Variants in PCDH15 observed in about 807,000 individuals in gnomAD.
The protein encoded by PCDH15 is protocadherin-15.
PCDH15 carries 129 observed loss-of-function variants against 178.5 expected under a neutral mutation model. The ratio of observed to expected loss-of-function variants is 0.72; its 90% CI spans 0.63 to 0.84. PCDH15 has a LOEUF of 0.84. PCDH15 is among the 40% of genes least tolerant of loss of function. The pLI is 0.00. For missense variants in PCDH15, 2,230 were observed against 2,099.9 expected (o/e 1.06, Z -1.21); for synonymous variants, 800 against 732.0 (o/e 1.09, Z -1.50).
chr10:53,888,297 T>TATATATATAC (rs1564690491), intron 26 of PCDH15, among the ~76,000 whole-genome samples: 2 of 73,612 alleles, frequency 2.7e-5, no homozygotes, highest in Non-Finnish European at 5.0e-5. Context: ...TATACATATA[T>TATATATATAC]ATATATATAT....
chr10:55,340,145 T>C (rs1291791284), intron 2 of PCDH15, among the ~76,000 whole-genome samples: 1 of 151,138 alleles, frequency 6.6e-6, no homozygotes, highest in Non-Finnish European at 1.5e-5. Flanking sequence ...CACCCATGTA[T>C]AGACACACAT....
chr10:55,265,101 G>A (rs1192377244), intron 1 of PCDH15, among the ~76,000 whole-genome samples: 1 of 151,910 alleles, frequency 6.6e-6, no homozygotes, highest in Non-Finnish European at 1.5e-5. Flanking sequence ...CTTCTCACTT[G>A]CCCCCTCCTA....
intron 2 of PCDH15, among the ~76,000 whole-genome samples, chr10:55,066,018 A>G (rs1419966626): frequency 6.6e-6 from 1 of 151,950 alleles, no homozygotes; most frequent in Non-Finnish European, 1.5e-5. Flanking sequence ...TATTTTCCAT[A>G]ATTTATTAAT....
At chr10:55,422,810 A>C (rs1167495324) in intron 2 of PCDH15, among the ~76,000 whole-genome samples, 1 of 151,922 alleles carries the variant, frequency 6.6e-6, no homozygotes, top group Non-Finnish European at 1.5e-5. Flanking sequence ...CAATACCTAT[A>C]AAAGGTAGAC....
chr10:54,941,484 T>C (rs1357387665), intron 2 of PCDH15, among the ~76,000 whole-genome samples: 1 of 152,146 alleles, frequency 6.6e-6, no homozygotes, highest in Non-Finnish European at 1.5e-5. Context: ...TTATGAGGCA[T>C]TGCCATCTTA....
chr10:55,432,682 T>C (rs1164661949), intron 2 of PCDH15, among the ~76,000 whole-genome samples: 1 of 152,144 alleles, frequency 6.6e-6, no homozygotes, highest in Non-Finnish European at 1.5e-5. Context: ...AAATGTAAAT[T>C]AGTTTCATCA....
chr10:54,188,142 A>G (rs1424712210), intron 11 of PCDH15, among the ~76,000 whole-genome samples: 2 of 151,912 alleles, frequency 1.3e-5, no homozygotes, highest in African/African-American at 2.4e-5. Context: ...AACAATGTGC[A>G]TTTGAAGTCA....
chr10:54,950,528 C>T (rs924581504), intron 2 of PCDH15, among the ~76,000 whole-genome samples: 7 of 152,056 alleles, frequency 4.6e-5, no homozygotes, highest in African/African-American at 1.7e-4. Flanking sequence ...TTCCTTCTGC[C>T]ATGATTGTGA....
At chr10:54,488,114 T>G (rs554837126) in intron 3 of PCDH15, among the ~76,000 whole-genome samples, 11 of 151,906 alleles carry the variant, frequency 7.2e-5, no homozygotes, top group Admixed American at 3.3e-4. Context: ...AAAAGACGAG[T>G]TAATATGAAA....
intron 2 of PCDH15, among the ~76,000 whole-genome samples, chr10:55,015,341 C>T (rs1303284961): frequency 6.6e-6 from 1 of 151,842 alleles, no homozygotes; most frequent in Non-Finnish European, 1.5e-5. Flanking sequence ...ACTTATTCTA[C>T]CTCAATGCCT....
chr10:54,229,628 T>C (rs2053845316), intron 9 of PCDH15, among the ~76,000 whole-genome samples: 2 of 152,190 alleles, frequency 1.3e-5, no homozygotes, highest in Non-Finnish European at 1.5e-5. Flanking sequence ...TCTGATGGTA[T>C]TAAAAGTGGG....
In PCDH15 at chr10:54,911,409, A is replaced by G. The variant is rs139131327; in HGVS notation, c.-79-13909T>C. Among the ~76,000 whole-genome samples, 957 of 152,350 alleles carry G rather than the reference A, an allele frequency of 6.3e-3. 13 individuals are homozygous for G. Among genetic ancestry groups the G allele is most frequent in the African/African-American group, 0.022 (919 of 41,582 alleles). ...ATAAATGAAAAGTTTAGACATGCTT[A>G]GATATACAGGTTCAAAGAATGATAA... is the stretch of plus-strand genomic sequence containing the variant. On this transcript the variant is annotated intron_variant, in intron 2 of 5. Coordinates refer to the PCDH15 transcript ENST00000458638.
chr10:53,817,214 C>A (rs901011936), intron 34 of PCDH15, among the ~76,000 whole-genome samples: 1 of 152,082 alleles, frequency 6.6e-6, no homozygotes, highest in Non-Finnish European at 1.5e-5. Context: ...CCAATTAGGT[C>A]GTATACTTCT....
chr10:55,248,717 C>G (rs1272239276), intron 1 of PCDH15, among the ~76,000 whole-genome samples: 1 of 151,902 alleles, frequency 6.6e-6, no homozygotes, highest in Non-Finnish European at 1.5e-5. Context: ...CCAAAATGCC[C>G]TGTTAATTTT....
At chr10:55,241,140 C>T (rs955745286) in intron 1 of PCDH15, among the ~76,000 whole-genome samples, 3 of 152,106 alleles carry the variant, frequency 2.0e-5, no homozygotes, top group Non-Finnish European at 4.4e-5. Flanking sequence ...CGCTTGCACC[C>T]GGGAGGCGGA....
intron 2 of PCDH15, among the ~76,000 whole-genome samples, chr10:54,585,916 A>C (rs1478154111): frequency 6.6e-6 from 1 of 152,202 alleles, no homozygotes; most frequent in Non-Finnish European, 1.5e-5. Context: ...CCTCAGAGGC[A>C]CAAGTAAGTT....
intron 1 of PCDH15, among the ~76,000 whole-genome samples, chr10:54,764,321 GT>G (rs1371379341): frequency 6.6e-6 from 1 of 151,984 alleles, no homozygotes; most frequent in African/African-American, 2.4e-5. Flanking sequence ...TCACTGGCAT[GT>G]TTTTTCATCT....
intron 3 of PCDH15, among the ~76,000 whole-genome samples, chr10:54,469,490 G>C (rs547322904): frequency 6.6e-6 from 1 of 152,092 alleles, no homozygotes. Flanking sequence ...ATATGTGAGG[G>C]CTTAGTCACA....
intron 21 of PCDH15, among the ~76,000 whole-genome samples, chr10:53,983,589 A>T (rs1458977660): frequency 3.3e-5 from 5 of 152,172 alleles, no homozygotes; most frequent in African/African-American, 9.7e-5. Flanking sequence ...ATTGTAAAAA[A>T]TACTTGCTTT....
Sources: allele counts gnomAD v4.1 joint callset (sites outside exome capture counted in the v4.1 genomes callset), GRCh38; gene constraint gnomAD v4.1.1; transcripts MANE v1.5; gene names NCBI Gene and HGNC (gene_info 2026-07-23, HGNC 2026-07-21).